Variants in ATRNL1 observed in about 807,000 individuals in gnomAD.
ATRNL1 encodes attractin like 1.
A neutral mutation model predicts 182.7 loss-of-function variants in ATRNL1; 95 were observed. The observed-to-expected ratio is 0.52, with a 90% confidence interval of 0.44 to 0.62. ATRNL1 has a LOEUF of 0.62. Among genes scored for constraint, ATRNL1 ranks in the 20% least tolerant of loss-of-function variants. The pLI, the probability that ATRNL1 is intolerant of heterozygous loss-of-function variation, is 0.00. For missense variants in ATRNL1, 1,471 were observed against 1,679.5 expected, an observed-to-expected ratio of 0.88 and a Z score of 2.17; for synonymous variants, 576 against 568.3, an observed-to-expected ratio of 1.01 and a Z score of -0.19.
intron 1 of ATRNL1, among the ~76,000 whole-genome samples, chr10:115,113,844 A>G (rs1554869005): frequency 6.6e-6 from 1 of 152,248 alleles, no homozygotes; most frequent in Non-Finnish European, 1.5e-5. Flanking sequence ...TGTAAACAAG[A>G]CTGCATTGAC....
At chr10:115,522,162 A>C (rs768482211) in intron 25 of ATRNL1, among the ~76,000 whole-genome samples, 98 of 152,114 alleles carry the variant, frequency 6.4e-4, no homozygotes, top group Non-Finnish European at 1.2e-3. Flanking sequence ...GTAGGTCACT[A>C]TTTTAGTTTG....
intron 19 of ATRNL1, 62 bp from the exon 20 acceptor site, chr10:115,394,597 A>C: frequency 8.0e-7 from 1 of 1,252,902 alleles, no homozygotes; most frequent in Non-Finnish European, 1.2e-6. Flanking sequence ...TAATACTTGA[A>C]ATGTGAAATG....
intron 18 of ATRNL1, among the ~76,000 whole-genome samples, chr10:115,323,652 C>G (rs1387989184): frequency 6.6e-6 from 1 of 152,008 alleles, no homozygotes; most frequent in Non-Finnish European, 1.5e-5. Flanking sequence ...CTGTGTTGGC[C>G]AGGCTGTCCT....
intron 27 of ATRNL1, among the ~76,000 whole-genome samples, chr10:115,742,744 T>G (rs1948173964): frequency 6.6e-6 from 1 of 152,186 alleles, no homozygotes; most frequent in Non-Finnish European, 1.5e-5. Flanking sequence ...TTCCCTGCCT[T>G]CACTCTTCCA....
intron 5 of ATRNL1, among the ~76,000 whole-genome samples, chr10:115,141,862 C>G (rs1203643785): frequency 1.3e-5 from 2 of 152,120 alleles, no homozygotes; most frequent in Admixed American, 6.5e-5. Context: ...AATTTTTACT[C>G]TTAACCTACT....
At chr10:115,229,840 G>T (rs1849850164) in intron 9 of ATRNL1, among the ~76,000 whole-genome samples, 2 of 151,732 alleles carry the variant, frequency 1.3e-5, no homozygotes, top group African/African-American at 2.4e-5. Flanking sequence ...TTATAAATTG[G>T]GAAATATCAC....
intron 2 of ATRNL1, 50 bp from the exon 3 acceptor site, chr10:115,121,649 T>G (rs782709182): frequency 1.3e-6 from 1 of 757,374 alleles, no homozygotes; most frequent in South Asian, 2.4e-5. Context: ...ATTTATTCAC[T>G]CTGTGCTTTG....
intron 28 of ATRNL1, among the ~76,000 whole-genome samples, chr10:115,859,172 A>T (rs572010986): frequency 5.3e-5 from 8 of 152,214 alleles, no homozygotes; most frequent in African/African-American, 1.9e-4. Flanking sequence ...TCCAAATACC[A>T]TTATATTAGG....
chr10:115,228,648 A>G (rs1488557472), intron 9 of ATRNL1, among the ~76,000 whole-genome samples: 1 of 152,140 alleles, frequency 6.6e-6, no homozygotes, highest in East Asian at 1.9e-4. Context: ...GTTTTAACAC[A>G]TAAGGAATTT....
intron 25 of ATRNL1, among the ~76,000 whole-genome samples, chr10:115,524,347 T>G (rs1851102670): frequency 6.6e-6 from 1 of 152,176 alleles, no homozygotes; most frequent in Non-Finnish European, 1.5e-5. Flanking sequence ...TTTTTTTTTC[T>G]TGTTGTTGCT....
chr10:115,869,980 T>C (rs1263321529), intron 28 of ATRNL1, among the ~76,000 whole-genome samples: 1 of 147,160 alleles, frequency 6.8e-6, no homozygotes, highest in Non-Finnish European at 1.5e-5. Flanking sequence ...TTTTTTTTTT[T>C]TTTTTTTTTT....
rs543320577 is a variant in ATRNL1, at chr10:115,304,679, G to C, written c.2818+2636G>C. Among the ~76,000 whole-genome samples the C allele has an allele frequency of 2.6e-5, 4 of 152,152 alleles. No homozygotes were observed. In the South Asian group the frequency reaches 8.3e-4, roughly 32 times the overall value. On this transcript the variant is annotated intron_variant, in intron 17 of 28. Coordinates refer to ENST00000355044, the MANE Select transcript of ATRNL1 (RefSeq NM_207303.4). ...GTTTGACCAGGCTTTCATTCAGGTA[G>C]CCCTCGGAAAAAAACTGGCCTTCCC... is the stretch of plus-strand genomic sequence containing the variant.
chr10:115,821,686 A>G (rs1950302281), intron 27 of ATRNL1, among the ~76,000 whole-genome samples: 1 of 152,208 alleles, frequency 6.6e-6, no homozygotes, highest in Non-Finnish European at 1.5e-5. Flanking sequence ...AAAGACAAAG[A>G]AGGGCATTAT....
chr10:115,606,530 T>C (rs1485020645), intron 26 of ATRNL1, among the ~76,000 whole-genome samples: 4 of 152,050 alleles, frequency 2.6e-5, no homozygotes. Context: ...GAAAATTTAA[T>C]TTATGAAAAA....
rs554893865 is a variant in ATRNL1 at position 115,726,702 on chromosome 10, A to G, written c.3796-546A>G. Among the ~76,000 whole-genome samples the G allele has an allele frequency of 8.5e-5, 13 of 152,346 alleles. No homozygotes were observed. In the South Asian group the frequency reaches 2.5e-3, roughly 29 times the overall value. ...AAACAGAGGCTTTGAACAAAATTATAAACACTGCCAATAATAATTCCTTCT... is the reference window on the plus strand; with the variant it reads ...AAACAGAGGCTTTGAACAAAATTATGAACACTGCCAATAATAATTCCTTCT... On this transcript the variant is annotated intron_variant, in intron 26 of 28. Transcript: ENST00000355044.
chr10:115,136,710 T>C (rs1845529580), intron 5 of ATRNL1, among the ~76,000 whole-genome samples: 1 of 152,232 alleles, frequency 6.6e-6, no homozygotes, highest in Admixed American at 6.5e-5. Context: ...CTTTTTATGA[T>C]TGGCCTTTTT....
intron 19 of ATRNL1, among the ~76,000 whole-genome samples, chr10:115,349,636 T>C (rs1554940673): frequency 6.6e-6 from 1 of 152,232 alleles, no homozygotes; most frequent in Non-Finnish European, 1.5e-5. Flanking sequence ...GCATTTGTTA[T>C]ATTCTGTCTT....
chr10:115,930,926 T>A (rs1405722407), intron 28 of ATRNL1, among the ~76,000 whole-genome samples: 8 of 152,194 alleles, frequency 5.3e-5, no homozygotes, highest in African/African-American at 1.9e-4. Flanking sequence ...ACTGGTCTGC[T>A]ATTTCCAACT....
intron 26 of ATRNL1, among the ~76,000 whole-genome samples, chr10:115,631,188 C>T (rs533132970): frequency 1.3e-5 from 2 of 151,622 alleles, no homozygotes; most frequent in East Asian, 1.9e-4. Flanking sequence ...ATTGTATACT[C>T]GAAACTTACT....
Sources: gnomAD v4.1 joint callset for allele counts (sites outside exome capture counted in the v4.1 genomes callset) on GRCh38, gnomAD v4.1.1 for gene constraint, MANE v1.5 for transcripts, NCBI Gene and HGNC (gene_info 2026-07-23, HGNC 2026-07-21) for gene names.